The following NMU variants were observed in gnomAD, a reference collection of about 807,000 sequenced individuals.
NMU encodes the protein neuromedin U.
A neutral mutation model predicts 35.4 loss-of-function variants in NMU; 29 were observed. That is an observed-to-expected ratio of 0.82 (90% CI 0.61 to 1.12). The LOEUF (loss-of-function observed/expected upper bound fraction) is 1.12. NMU is among the 50% of genes most tolerant of loss of function. NMU has a pLI of 0.00. For synonymous variants in NMU, 78 were observed against 81.3 expected (o/e 0.96, Z 0.22); for missense variants, 199 against 206.2 (o/e 0.97, Z 0.21).
chr4:55,631,559 GA>G (rs1216538918), intron 1 of NMU, among the ~76,000 whole-genome samples: 3 of 151,940 alleles, frequency 2.0e-5, no homozygotes, highest in Non-Finnish European at 4.4e-5. Flanking sequence ...ACAAACATAT[GA>G]AAAAAATGCT....
intron 3 of NMU, 31 bp downstream of exon 3, chr4:55,616,307 A>G (rs777908978): frequency 1.3e-6 from 2 of 1,561,822 alleles, no homozygotes; most frequent in Non-Finnish European, 1.8e-6. Flanking sequence ...AAACACCTAC[A>G]TTATTACAAA....
chr4:55,635,097 G>T (rs1715844993), intron 1 of NMU, among the ~76,000 whole-genome samples: 1 of 152,070 alleles, frequency 6.6e-6, no homozygotes, highest in African/African-American at 2.4e-5. Flanking sequence ...TTTACCTCAC[G>T]ACAGGAGAGC....
Position 55,603,922 on chromosome 4 carries a change from A to T in NMU, c.435+1353T>A, listed in dbSNP as rs1424262958. On this transcript the variant is annotated intron_variant, in intron 7 of 9. Coordinates refer to ENST00000264218, the MANE Select transcript of NMU (RefSeq NM_006681.4). ...GCAAGAGTCCGTCTCAAAAAAAAAA[A>T]AAAAATATATATATATATATATATG... Among the ~76,000 whole-genome samples the T allele has an allele frequency of 1.0e-3, 85 of 81,162 alleles. 1 individual carries two copies. In the East Asian group the frequency reaches 0.023, roughly 22 times the overall value. 53.2% of individuals were successfully genotyped at this position (81,162 alleles called of 152,430 possible). A position where few individuals can be genotyped will look rare whatever the true frequency, so the allele number is the denominator to read the frequency against.
At chr4:55,636,495 T>G, upstream of NMU, 1 of 359,700 alleles carries the variant, frequency 2.8e-6, no homozygotes, top group Non-Finnish European at 4.9e-6. This position sits in a 1 kb window ranked among gnomAD's most constrained non-coding sequence, Gnocchi z 4.0. Context: ...ACCACGCATT[T>G]TCGCTCTGGG....
At chr4:55,624,211 T>A in intron 2 of NMU, among the ~76,000 whole-genome samples, 1 of 127,736 alleles carries the variant, frequency 7.8e-6, no homozygotes, top group African/African-American at 2.8e-5. Flanking sequence ...CAAAAGAAAC[T>A]ACCATCAGAG....
intron 2 of NMU, among the ~76,000 whole-genome samples, chr4:55,626,177 C>T (rs62308708): frequency 1.3e-5 from 2 of 152,246 alleles, no homozygotes; most frequent in Admixed American, 6.5e-5. Context: ...TTTTGCTAGT[C>T]TAATAGGTAG....
chr4:55,634,824 T>C (rs1715809016), intron 1 of NMU, among the ~76,000 whole-genome samples: 1 of 152,200 alleles, frequency 6.6e-6, no homozygotes, highest in Non-Finnish European at 1.5e-5. Context: ...TCTGACTGCC[T>C]GGATTTCAAA....
chr4:55,609,619 C>T (rs1486453401), intron 3 of NMU, among the ~76,000 whole-genome samples: 1 of 152,184 alleles, frequency 6.6e-6, no homozygotes, highest in Non-Finnish European at 1.5e-5. Flanking sequence ...GAAAATCCTG[C>T]AATTGCTCAA....
intron 4 of NMU, among the ~76,000 whole-genome samples, chr4:55,608,770 A>G (rs945708979): frequency 6.6e-6 from 1 of 151,996 alleles, no homozygotes; most frequent in Non-Finnish European, 1.5e-5. Context: ...CCTTTGAACC[A>G]TAAGATGTGC....
intron 2 of NMU, among the ~76,000 whole-genome samples, chr4:55,628,085 T>C (rs1009312968): frequency 1.3e-5 from 2 of 152,214 alleles, no homozygotes; most frequent in African/African-American, 4.8e-5. Flanking sequence ...TGGACCTTTT[T>C]TGGCACAGCA....
chr4:55,636,418 C>T (rs1231820657), upstream of NMU: 1 of 568,702 alleles, frequency 1.8e-6, no homozygotes, highest in Non-Finnish European at 2.7e-6. This position sits in a 1 kb window ranked among gnomAD's most constrained non-coding sequence, Gnocchi z 4.0. Context: ...CACCCCGCCC[C>T]GCTGCCTGCC....
chr4:55,605,942 C>T (rs1052176388), intron 6 of NMU, among the ~76,000 whole-genome samples: 2 of 152,168 alleles, frequency 1.3e-5, no homozygotes, highest in African/African-American at 4.8e-5. Flanking sequence ...ATTGAAAGCA[C>T]ACTTGAGATA....
intron 1 of NMU, among the ~76,000 whole-genome samples, chr4:55,632,076 A>G (rs1432096967): frequency 1.3e-5 from 2 of 152,172 alleles, no homozygotes; most frequent in African/African-American, 2.4e-5. Flanking sequence ...TAAATGCCAT[A>G]TGTTACCACT....
At position 55,630,468 on chromosome 4, in the gene NMU, T is replaced by C. The variant is rs779707541; in HGVS notation, c.113-8A>G. On this transcript the variant is annotated splice_region_variant and splice_polypyrimidine_tract_variant and intron_variant, in intron 1 of 9. Coordinates refer to ENST00000264218, the MANE Select transcript of NMU (RefSeq NM_006681.4). ...GAGGTAATATTGGAGCACCTAAAAA[T>C]AAAGTTGTAGCCACAGATTAATTTT... The C allele has an allele frequency of 1.2e-6, 2 of 1,606,844 alleles. No individual in the cohort carries two copies. Among genetic ancestry groups the C allele is most frequent in the African/African-American group, 1.3e-5 (1 of 74,770 alleles).
chr4:55,600,477 A>C (rs1399543586), intron 8 of NMU, 45 bp downstream of exon 8: 5 of 1,249,690 alleles, frequency 4.0e-6, no homozygotes, highest in Non-Finnish European at 4.7e-6. Flanking sequence ...CATATTTTTA[A>C]ATTTTGGTGT....
chr4:55,636,417 C>G (rs965578337), upstream of NMU: 32 of 568,248 alleles, frequency 5.6e-5, no homozygotes, highest in African/African-American at 4.0e-5. This position sits in a 1 kb window ranked among gnomAD's most constrained non-coding sequence, Gnocchi z 4.0. Context: ...TCACCCCGCC[C>G]CGCTGCCTGC....
At chr4:55,627,681 C>T (rs1734587720) in intron 2 of NMU, among the ~76,000 whole-genome samples, 1 of 151,982 alleles carries the variant, frequency 6.6e-6, no homozygotes, top group Admixed American at 6.6e-5. Context: ...GTTACTTTTG[C>T]CTAGTGAAAA....
intron 2 of NMU, among the ~76,000 whole-genome samples, chr4:55,617,587 A>T (rs1734157278): frequency 6.6e-6 from 1 of 152,166 alleles, no homozygotes; most frequent in Admixed American, 6.5e-5. Flanking sequence ...TAAGTGTTCA[A>T]CAAAAATCCT....
intron 7 of NMU, among the ~76,000 whole-genome samples, chr4:55,602,491 A>C (rs987503488): frequency 2.0e-5 from 3 of 152,198 alleles, no homozygotes; most frequent in Admixed American, 6.5e-5. Flanking sequence ...AAATTCAGTC[A>C]ATGTACTAAA....
Sources: gnomAD v4.1 joint callset for allele counts (sites outside exome capture counted in the v4.1 genomes callset) on GRCh38, gnomAD v4.1.1 for gene constraint, Gnocchi (gnomAD v3.1) non-coding constraint, MANE v1.5 for transcripts, NCBI Gene and HGNC (gene_info 2026-07-23, HGNC 2026-07-21) for gene names.